Variants in SPAG16 observed in about 807,000 individuals in gnomAD.
SPAG16 encodes the protein sperm associated antigen 16.
In SPAG16, 86 loss-of-function variants were observed where a neutral mutation model predicts 80.4. The ratio of observed to expected loss-of-function variants is 1.07; its 90% CI spans 0.90 to 1.28. The LOEUF (loss-of-function observed/expected upper bound fraction) is 1.28, where lower values mean the gene tolerates loss of function less well. SPAG16 is among the 50% of genes most tolerant of loss of function. The pLI, the probability that SPAG16 is intolerant of heterozygous loss-of-function variation, is 0.00. For synonymous variants in SPAG16, 294 were observed against 265.9 expected, an observed-to-expected ratio of 1.11 and a Z score of -1.03; for missense variants, 870 against 765.3, an observed-to-expected ratio of 1.14 and a Z score of -1.61.
rs116687670 is a variant in SPAG16 at position 213,402,267 on chromosome 2, C to T, written c.942+27148C>T. 1.8e-3 allele frequency among the ~76,000 whole-genome samples: 274 copies of T among 152,032 alleles called. 1 individual carries two copies. The highest frequency in any genetic ancestry group is 6.4e-3 in the African/African-American group (265 of 41,512). On this transcript the variant is annotated intron_variant, in intron 9 of 15. Coordinates refer to ENST00000331683, the MANE Select transcript of SPAG16 (RefSeq NM_024532.5). ...ACACTCATGATTGCAGTAAATATTTCCTTTCCTCCATTAATAAAAATTCAT... is the reference window on the plus strand; with the variant it reads ...ACACTCATGATTGCAGTAAATATTTTCTTTCCTCCATTAATAAAAATTCAT...
intron 15 of SPAG16, among the ~76,000 whole-genome samples, chr2:214,286,194 T>C (rs1693343673): frequency 6.6e-6 from 1 of 152,074 alleles, no homozygotes. Context: ...GGGGGAGATG[T>C]TGGTCTGGGG....
intron 15 of SPAG16, among the ~76,000 whole-genome samples, chr2:214,372,134 A>C (rs570112298): frequency 6.6e-6 from 1 of 152,148 alleles, no homozygotes. Flanking sequence ...TAACAGATTC[A>C]TACAGCAATC....
intron 10 of SPAG16, among the ~76,000 whole-genome samples, chr2:213,764,710 C>G (rs1210957846): frequency 1.3e-5 from 2 of 151,596 alleles, no homozygotes; most frequent in African/African-American, 4.9e-5. Flanking sequence ...TCCCCAAAAG[C>G]TAATATTAAT....
intron 15 of SPAG16, among the ~76,000 whole-genome samples, chr2:214,181,658 AC>A (rs2057310507): frequency 6.6e-6 from 1 of 151,762 alleles, no homozygotes; most frequent in African/African-American, 2.4e-5. Context: ...CATTCTTTAC[AC>A]ATCTAAGTTT....
intron 5 of SPAG16, among the ~76,000 whole-genome samples, chr2:213,336,318 A>G (rs1008630767): frequency 1.3e-5 from 2 of 152,220 alleles, no homozygotes; most frequent in Non-Finnish European, 2.9e-5. Flanking sequence ...TGCATACTCC[A>G]GCTCTGGGAA....
intron 10 of SPAG16, among the ~76,000 whole-genome samples, chr2:213,590,700 T>C (rs900912506): frequency 6.6e-6 from 1 of 152,184 alleles, no homozygotes; most frequent in African/African-American, 2.4e-5. Context: ...GTGCTGTTGG[T>C]GGGAATGCAA....
intron 9 of SPAG16, among the ~76,000 whole-genome samples, chr2:213,479,818 T>C (rs1385578198): frequency 6.6e-6 from 1 of 152,216 alleles, no homozygotes; most frequent in Non-Finnish European, 1.5e-5. Flanking sequence ...AGTACTCATA[T>C]CTATATCAAA....
At chr2:214,183,087 C>G (rs1438100804) in intron 15 of SPAG16, among the ~76,000 whole-genome samples, 1 of 151,860 alleles carries the variant, frequency 6.6e-6, no homozygotes, top group African/African-American at 2.4e-5. Flanking sequence ...CATTATTCTT[C>G]CTCTTTTAAA....
intron 15 of SPAG16, among the ~76,000 whole-genome samples, chr2:214,367,502 C>A (rs991278008): frequency 1.3e-5 from 2 of 152,094 alleles, no homozygotes; most frequent in African/African-American, 4.8e-5. Context: ...CATTTTAGTA[C>A]TTATGATTTA....
intron 12 of SPAG16, among the ~76,000 whole-genome samples, chr2:213,993,491 A>G (rs79054991): frequency 0.025 from 3,766 of 152,294 alleles, 148 homozygotes; most frequent in African/African-American, 0.086. Context: ...AGCACTGCCT[A>G]TTCAATCCCT....
chr2:213,433,229 C>A (rs1473665297), intron 9 of SPAG16, among the ~76,000 whole-genome samples: 1 of 152,004 alleles, frequency 6.6e-6, no homozygotes, highest in African/African-American at 2.4e-5. Context: ...CAATCCTATT[C>A]AACTTAGAAT....
At chr2:213,752,042 C>T (rs1341574026) in intron 10 of SPAG16, among the ~76,000 whole-genome samples, 1 of 152,200 alleles carries the variant, frequency 6.6e-6, no homozygotes, top group Non-Finnish European at 1.5e-5. Flanking sequence ...GGCCCCACTA[C>T]TCCCACTCCA....
chr2:213,301,166 G>A (rs1055575998), intron 3 of SPAG16, among the ~76,000 whole-genome samples: 1 of 151,940 alleles, frequency 6.6e-6, no homozygotes, highest in Non-Finnish European at 1.5e-5. Flanking sequence ...ATTACTTTTA[G>A]ACTCAATTAC....
intron 10 of SPAG16, among the ~76,000 whole-genome samples, chr2:213,720,008 TA>T (rs2066442141): frequency 2.0e-5 from 3 of 152,068 alleles, no homozygotes; most frequent in Admixed American, 2.0e-4. Flanking sequence ...TATGCAGCCA[TA>T]AAAAAGGATG....
At chr2:213,872,518 C>G (rs1270420333) in intron 11 of SPAG16, among the ~76,000 whole-genome samples, 1 of 152,072 alleles carries the variant, frequency 6.6e-6, no homozygotes, top group African/African-American at 2.4e-5. Context: ...TATACAAGAT[C>G]ATATCATCTC....
chr2:214,298,851 T>C (rs904081650), intron 15 of SPAG16, among the ~76,000 whole-genome samples: 1 of 152,162 alleles, frequency 6.6e-6, no homozygotes, highest in African/African-American at 2.4e-5. Context: ...GCAAGGGGCA[T>C]AGCCATGGTG....
chr2:213,496,356 T>C (rs1182558072), intron 10 of SPAG16, among the ~76,000 whole-genome samples: 1 of 152,170 alleles, frequency 6.6e-6, no homozygotes, highest in African/African-American at 2.4e-5. Context: ...TTAATTTATA[T>C]GGGGAAGACT....
intron 10 of SPAG16, among the ~76,000 whole-genome samples, chr2:213,496,050 T>C (rs1334441807): frequency 6.6e-6 from 1 of 152,186 alleles, no homozygotes; most frequent in Admixed American, 6.5e-5. Context: ...ATTACACAGT[T>C]TTACATACAT....
At chr2:213,405,088 C>G (rs533874505) in intron 9 of SPAG16, among the ~76,000 whole-genome samples, 2 of 152,088 alleles carry the variant, frequency 1.3e-5, no homozygotes, top group South Asian at 4.1e-4. Context: ...TAAACACATG[C>G]TTTACTTTTT....
Sources: gnomAD v4.1 joint callset for allele counts (sites outside exome capture counted in the v4.1 genomes callset) on GRCh38, gnomAD v4.1.1 for gene constraint, MANE v1.5 for transcripts, NCBI Gene and HGNC (gene_info 2026-07-23, HGNC 2026-07-21) for gene names.